Variants in ZNF385B observed in about 807,000 individuals in gnomAD.
ZNF385B encodes zinc finger protein 385B, also known as zinc finger protein 533.
ZNF385B carries 23 observed loss-of-function variants against 39.2 expected under a neutral mutation model. The ratio of observed to expected loss-of-function variants is 0.59; its 90% CI spans 0.42 to 0.83. The LOEUF is 0.83. ZNF385B is among the 40% of genes least tolerant of loss of function. ZNF385B has a pLI of 0.00. For synonymous variants in ZNF385B, 205 were observed against 222.6 expected (o/e 0.92, Z 0.70); for missense variants, 552 against 598.9 (o/e 0.92, Z 0.82).
chr2:179,626,470 T>C (rs1437581825), intron 3 of ZNF385B, among the ~76,000 whole-genome samples: 3 of 152,122 alleles, frequency 2.0e-5, no homozygotes, highest in Admixed American at 2.0e-4. Context: ...AACTCTTCCT[T>C]AGAGGGGAAA....
chr2:179,656,430 A>G (rs2106262061), intron 3 of ZNF385B, among the ~76,000 whole-genome samples: 1 of 152,292 alleles, frequency 6.6e-6, no homozygotes, highest in Admixed American at 6.5e-5. Flanking sequence ...AAATTTAAGT[A>G]TATCTTGTCC....
chr2:179,760,596 T>C (rs1379932320), intron 3 of ZNF385B, among the ~76,000 whole-genome samples: 1 of 152,096 alleles, frequency 6.6e-6, no homozygotes, highest in African/African-American at 2.4e-5. Context: ...GCATGTCAAA[T>C]CCTTGGAACC....
chr2:179,474,127 A>G (rs1313194434), intron 6 of ZNF385B, among the ~76,000 whole-genome samples: 3 of 152,062 alleles, frequency 2.0e-5, no homozygotes, highest in Non-Finnish European at 4.4e-5. Flanking sequence ...AAACAGTTGT[A>G]AAATAGGGTA....
intron 5 of ZNF385B, among the ~76,000 whole-genome samples, chr2:179,484,516 T>G (rs1029297534): frequency 1.3e-5 from 2 of 152,090 alleles, no homozygotes; most frequent in Non-Finnish European, 2.9e-5. Context: ...TTTATATACT[T>G]GTATGTGTTT....
intron 1 of ZNF385B, among the ~76,000 whole-genome samples, chr2:179,853,957 T>C (rs991502267): frequency 2.0e-5 from 3 of 152,176 alleles, no homozygotes; most frequent in African/African-American, 7.2e-5. Context: ...CAATAGTGCA[T>C]CACGTGCAGG....
intron 3 of ZNF385B, among the ~76,000 whole-genome samples, chr2:179,618,831 T>C (rs1260478477): frequency 6.6e-6 from 1 of 152,206 alleles, no homozygotes; most frequent in African/African-American, 2.4e-5. Context: ...GTTCTTGGCT[T>C]CAGCAGCCCC....
In ZNF385B at chr2:179,622,463, G is replaced by A. The variant is rs546307230; in HGVS notation, c.299-77494C>T. Among the ~76,000 whole-genome samples the A allele has an allele frequency of 3.3e-5, 5 of 152,192 alleles. No homozygotes were observed. In the East Asian group the frequency reaches 7.7e-4, roughly 24 times the overall value. ...GAAAATCCCTAAGAAAAATCTTCCTGGAATAACTCAGAGAGGTAACAAAGT... is the reference window on the plus strand; with the variant it reads ...GAAAATCCCTAAGAAAAATCTTCCTAGAATAACTCAGAGAGGTAACAAAGT... On this transcript the variant is annotated intron_variant, in intron 3 of 9. Coordinates refer to ENST00000410066, the MANE Select transcript of ZNF385B (RefSeq NM_152520.6).
intron 3 of ZNF385B, among the ~76,000 whole-genome samples, chr2:179,570,701 A>G (rs937113347): frequency 1.3e-5 from 2 of 152,092 alleles, no homozygotes; most frequent in African/African-American, 2.4e-5. Context: ...TTCCATTTTT[A>G]TTGGTTTTCT....
chr2:179,560,046 T>G (rs1241180353), intron 3 of ZNF385B, among the ~76,000 whole-genome samples: 7 of 152,194 alleles, frequency 4.6e-5, no homozygotes, highest in Non-Finnish European at 1.0e-4. Flanking sequence ...CTTATTTCAT[T>G]TAACGTAATG....
chr2:179,542,845 C>T (rs1010918252), intron 4 of ZNF385B, among the ~76,000 whole-genome samples: 3 of 152,084 alleles, frequency 2.0e-5, no homozygotes, highest in Admixed American at 1.3e-4. Context: ...AGTTGCTGAC[C>T]ACCTTCCGCT....
chr2:179,515,813 T>G (rs1206862373), intron 5 of ZNF385B, among the ~76,000 whole-genome samples: 1 of 152,138 alleles, frequency 6.6e-6, no homozygotes, highest in Non-Finnish European at 1.5e-5. Flanking sequence ...TTTCAGGTAT[T>G]CAGCTTAATG....
At chr2:179,485,058 C>T (rs1036412773) in intron 5 of ZNF385B, among the ~76,000 whole-genome samples, 1 of 151,948 alleles carries the variant, frequency 6.6e-6, no homozygotes, top group Non-Finnish European at 1.5e-5. Context: ...CAAGCAGAGG[C>T]CTGATGATAC....
rs778522232 is a variant in ZNF385B, at chr2:179,758,588, T to C, written c.298+10915A>G. 2.2e-4 allele frequency among the ~76,000 whole-genome samples: 34 copies of C among 152,248 alleles called. 1 individual carries two copies. The highest frequency in any genetic ancestry group is 4.0e-4 in the Non-Finnish European group (27 of 68,046). ...TAGAGAGACACAAACATTCAAACCA[T>C]AGCACCTTGTGACTAGCTCTGACCA... On this transcript the variant is annotated intron_variant, in intron 3 of 9. Transcript: ENST00000410066.
chr2:179,826,171 T>C (rs1313960285), intron 1 of ZNF385B, among the ~76,000 whole-genome samples: 1 of 152,126 alleles, frequency 6.6e-6, no homozygotes, highest in Non-Finnish European at 1.5e-5. Context: ...CAACAGAGTT[T>C]AGGGTTTGGA....
intron 6 of ZNF385B, among the ~76,000 whole-genome samples, chr2:179,480,182 C>T (rs1178233135): frequency 6.6e-6 from 1 of 152,150 alleles, no homozygotes; most frequent in Admixed American, 6.5e-5. Flanking sequence ...GCCCACTTGA[C>T]AGGAACTCTT....
intron 1 of ZNF385B, among the ~76,000 whole-genome samples, chr2:179,775,103 C>T (rs536762830): frequency 6.6e-6 from 1 of 152,222 alleles, no homozygotes; most frequent in South Asian, 2.1e-4. Context: ...TTCTGAGTAC[C>T]AGATTATACA....
intron 1 of ZNF385B, among the ~76,000 whole-genome samples, chr2:179,794,981 A>C (rs1023870848): frequency 2.0e-5 from 3 of 152,184 alleles, no homozygotes; most frequent in African/African-American, 7.2e-5. Flanking sequence ...TAAAAAATGA[A>C]TGAGAAAATA....
At chr2:179,820,127 A>G (rs748046141) in intron 1 of ZNF385B, among the ~76,000 whole-genome samples, 11 of 151,950 alleles carry the variant, frequency 7.2e-5, no homozygotes, top group Non-Finnish European at 1.2e-4. Context: ...TTTTTCATTG[A>G]TGTGTTTTCT....
At chr2:179,446,459 G>A (rs1239457715) in intron 7 of ZNF385B, 66 bp downstream of exon 7, 3 of 1,545,838 alleles carry the variant, frequency 1.9e-6, no homozygotes, top group Admixed American at 3.8e-5. Flanking sequence ...AAAAGATATG[G>A]TATTCTGATG....
Sources: gnomAD v4.1 joint callset for allele counts (sites outside exome capture counted in the v4.1 genomes callset) on GRCh38, gnomAD v4.1.1 for gene constraint, MANE v1.5 for transcripts, NCBI Gene and HGNC (gene_info 2026-07-23, HGNC 2026-07-21) for gene names.